The following MYO7B variants were observed in gnomAD, a reference collection of about 807,000 sequenced individuals.
The protein encoded by MYO7B is unconventional myosin-VIIb.
MYO7B carries 212 observed loss-of-function variants against 259.7 expected under a neutral mutation model. The observed-to-expected ratio is 0.82, with a 90% CI of 0.73 to 0.91. The LOEUF is 0.91. Among genes scored for constraint, MYO7B ranks in the 40% least tolerant of loss-of-function variants. The pLI, the probability that MYO7B is intolerant of heterozygous loss-of-function variation, is 0.00. For synonymous variants in MYO7B, 1,197 were observed against 1,166.4 expected (o/e 1.03, Z -0.54); for missense variants, 2,732 against 2,813.5 (o/e 0.97, Z 0.66).
intron 47 of MYO7B, 52 bp from the exon 48 acceptor site, chr2:127,637,264 C>A: frequency 7.2e-7 from 1 of 1,384,352 alleles, no homozygotes; most frequent in Non-Finnish European, 1.0e-6. Flanking sequence ...AGTCCAGGAC[C>A]CCCACCTGCC....
intron 18 of MYO7B, among the ~76,000 whole-genome samples, 200 bp downstream of exon 18, chr2:127,593,844 A>C (rs965795924): frequency 1.3e-5 from 2 of 152,186 alleles, no homozygotes; most frequent in African/African-American, 4.8e-5. Flanking sequence ...TGGTGAGGGT[A>C]CTGGGGAGGG....
rs1444391917 is a variant in MYO7B at position 127,627,503 on chromosome 2, T to C, written c.4460+193T>C. ...CTCCTGCACCAGGCCGTACTGCCCA[T>C]GAAGTACTCCATTGGGGCATCACGC... On this transcript the variant is annotated intron_variant, in intron 33 of 47. Transcript: ENST00000409816. The surrounding 1 kb of genome is among the most constrained non-coding windows in gnomAD (Gnocchi z 5.6). The C allele has an allele frequency of 1.3e-6, 1 of 791,990 alleles. No individual in the cohort carries two copies. The highest frequency in any genetic ancestry group is 2.0e-5 in the Admixed American group (1 of 49,464). 49.1% of individuals were successfully genotyped at this position (791,990 alleles called of 1,614,324 possible).
intron 7 of MYO7B, among the ~76,000 whole-genome samples, chr2:127,575,102 G>T (rs1037143529): frequency 6.6e-6 from 1 of 152,182 alleles, no homozygotes; most frequent in Admixed American, 6.5e-5. Context: ...AGATGCCTCC[G>T]CACTGTGACA....
At position 127,566,677 on chromosome 2, in the gene MYO7B, C is replaced by T. The variant is rs959558367; in HGVS notation, c.320C>T (p.Pro107Leu). 7 of 1,602,594 alleles carry T rather than the reference C, an allele frequency of 4.4e-6. No individual in the cohort carries two copies. Among genetic ancestry groups the T allele is most frequent in the African/African-American group, 2.7e-5 (2 of 74,732 alleles). The change falls in exon 5 of 48, where the codon CCG (proline) becomes CTG (leucine). Residue 107 changes from proline to leucine, a missense_variant. Pro to Leu is a moderately conservative substitution (Grantham distance 98). Coordinates refer to ENST00000409816, the MANE Select transcript of MYO7B (RefSeq NM_001393586.1). ...GGCTCCATCCTGGTGGCCGTCAACC[C>T]GTTCCAGGTGCTGCCGCTCTACACC... ...YTGSILVAVN[P>L]FQVLPLYTLE...
At position 127,584,552 on chromosome 2, in the gene MYO7B, C is replaced by A. The variant is rs930749779; in HGVS notation, c.1554+220C>A. 2.0e-5 allele frequency among the ~76,000 whole-genome samples: 3 copies of A among 152,176 alleles called. No individual in the cohort carries two copies. The highest frequency in any genetic ancestry group is 2.9e-5 in the Non-Finnish European group (2 of 68,036). On this transcript the variant is annotated intron_variant, in intron 13 of 47. Transcript: ENST00000409816. The surrounding 1 kb of genome is among the most constrained non-coding windows in gnomAD (Gnocchi z 5.8). Reference sequence around the variant, plus strand: ...TCAGACAGTAGTTCAGAGGGTGGAGCAGAAGAGCTGGTGGTGGAGGGCGGC... The same window carrying A: ...TCAGACAGTAGTTCAGAGGGTGGAGAAGAAGAGCTGGTGGTGGAGGGCGGC...
chr2:127,542,976 T>TTC (rs1693064529), intron 1 of MYO7B, among the ~76,000 whole-genome samples: 1 of 152,252 alleles, frequency 6.6e-6, no homozygotes, highest in African/African-American at 2.4e-5. Flanking sequence ...TAAGGCGGTT[T>TTC]TCTCCTATCT....
chr2:127,583,956 AGT>A (rs35131095), intron 12 of MYO7B, among the ~76,000 whole-genome samples, 164 bp from the exon 13 acceptor site: 54,014 of 151,816 alleles, frequency 0.36, 11,360 homozygotes, highest in East Asian at 0.67. Context: ...GAGGAGAGAG[AGT>A]GTGCAGGAAT....
rs1692907329 is a variant in MYO7B at position 127,539,122 on chromosome 2, T to C, written c.-24+3291T>C. Among the ~76,000 whole-genome samples the C allele has an allele frequency of 6.6e-6, 1 of 152,152 alleles. No homozygotes were observed. Among genetic ancestry groups the C allele is most frequent in the African/African-American group, 2.4e-5 (1 of 41,430 alleles). Reference sequence around the variant, plus strand: ...GGGCAGTGGTTCATGCACAAGTATATGTATCTGTCAATTTCTCTTTCATCC... The same window carrying C: ...GGGCAGTGGTTCATGCACAAGTATACGTATCTGTCAATTTCTCTTTCATCC... On this transcript the variant is annotated intron_variant, in intron 1 of 47. Coordinates refer to ENST00000409816, the MANE Select transcript of MYO7B (RefSeq NM_001393586.1). This position sits in a 1 kb window ranked among gnomAD's most constrained non-coding sequence, Gnocchi z 4.0.
chr2:127,601,302 C>T (rs553296306), intron 19 of MYO7B, among the ~76,000 whole-genome samples: 8 of 152,150 alleles, frequency 5.3e-5, no homozygotes, highest in Admixed American at 6.5e-5. Context: ...GCTGTTAATT[C>T]GGAGGTGTGC....
Position 127,623,312 on chromosome 2 carries a change from C to T in MYO7B, c.3756C>T (p.Ile1252=), listed in dbSNP as rs765986343. 1.6e-5 allele frequency: 26 copies of T among 1,612,504 alleles called. No individual in the cohort carries two copies. The highest frequency in any genetic ancestry group is 1.2e-4 in the Admixed American group (7 of 59,896). ...CATCTCGGGAAATGTGCATGCACAT[C>T]GCTCACAAGCAGGGCCTCAGCGACC... ...ASTSREMCMH[I]AHKQGLSDHL... Residue 1252 remains isoleucine, a synonymous_variant, in exon 29 of 48, where the codon ATC becomes ATT. Transcript: ENST00000409816.
At chr2:127,625,241 C>T in intron 30 of MYO7B, 127 bp from the exon 31 acceptor site, 2 of 1,151,780 alleles carry the variant, frequency 1.7e-6, no homozygotes, top group Non-Finnish European at 2.4e-6. Context: ...GGGGAAGGTC[C>T]TGCCCGAGCC....
rs768239354 is a variant in MYO7B at position 127,609,483 on chromosome 2, G to GT, written c.2815-22dup. On this transcript the variant is annotated intron_variant, in intron 22 of 47. Coordinates refer to ENST00000409816, the MANE Select transcript of MYO7B (RefSeq NM_001393586.1). This position sits in a 1 kb window ranked among gnomAD's most constrained non-coding sequence, Gnocchi z 6.9. ...TGTTACCTGAAAGCCCTGCTGACCC[G>GT]TGTTCTCCCTCAATGGCCGTAGGAT... The GT allele has an allele frequency of 1.3e-5, 20 of 1,596,372 alleles. No homozygotes were observed. The South Asian group carries it at 2.0e-4, about 16-fold the overall frequency.
At chr2:127,550,087 A>T (rs1362546928) in intron 1 of MYO7B, among the ~76,000 whole-genome samples, 1 of 152,184 alleles carries the variant, frequency 6.6e-6, no homozygotes, top group Non-Finnish European at 1.5e-5. Context: ...CACTCAGAAC[A>T]TCCCAGAAAA....
intron 26 of MYO7B, among the ~76,000 whole-genome samples, chr2:127,616,583 C>CCA (rs1229835573): frequency 1.3e-5 from 2 of 152,194 alleles, no homozygotes; most frequent in Non-Finnish European, 2.9e-5. Flanking sequence ...AAAATTAATC[C>CCA]CACATATCCT....
intron 30 of MYO7B, among the ~76,000 whole-genome samples, chr2:127,624,779 TG>T (rs1681023670): frequency 6.6e-6 from 1 of 152,084 alleles, no homozygotes; most frequent in Non-Finnish European, 1.5e-5. Context: ...GGAGCTCTTT[TG>T]TAGGGGATTG....
chr2:127,624,223 C>T lies in MYO7B; in HGVS notation c.3950C>T (p.Thr1317Ile), dbSNP rs375673107. Residue 1317 changes from threonine to isoleucine, a missense_variant, in exon 30 of 48, where the codon ACC becomes ATC. Transcript: ENST00000409816. ...ATCTACTTCCGGAAGGAATTCTTCA[C>T]CCCCTGGCACGACTCCCGGGAGGAC... ...WRIYFRKEFFTPWHDSREDPV... is the reference protein window; with the variant it reads ...WRIYFRKEFFIPWHDSREDPV... The T allele has an allele frequency of 1.1e-5, 17 of 1,597,434 alleles. No homozygotes were observed. The African/African-American group carries it at 1.3e-4, about 13-fold the overall frequency.
chr2:127,627,940 A>G lies in MYO7B; in HGVS notation c.4461-432A>G, dbSNP rs1257252668. On this transcript the variant is annotated intron_variant, in intron 33 of 47. Coordinates refer to ENST00000409816, the MANE Select transcript of MYO7B (RefSeq NM_001393586.1). This position sits in a 1 kb window ranked among gnomAD's most constrained non-coding sequence, Gnocchi z 5.6. ...TGGCCACCTCTCACTGAGGCTGACC[A>G]TGCTGGGCACTTTCCTGTATGCCAC... 4.3e-6 allele frequency: 2 copies of G among 461,160 alleles called. No homozygotes were observed. Among genetic ancestry groups the G allele is most frequent in the Admixed American group, 2.3e-5 (1 of 42,698 alleles). 28.6% of individuals were successfully genotyped at this position (461,160 alleles called of 1,614,324 possible).
chr2:127,617,703 C>T (rs1222148004), intron 26 of MYO7B, among the ~76,000 whole-genome samples: 2 of 150,576 alleles, frequency 1.3e-5, no homozygotes, highest in South Asian at 2.1e-4. Context: ...GGGGTTTCAC[C>T]TTGTTAGCCA....
chr2:127,584,390 G>A lies in MYO7B; in HGVS notation c.1554+58G>A, dbSNP rs575145209. Reference sequence around the variant, plus strand: ...AGGCCCTGCTATGGGTCTCCTCTTGGAGGCTGGGAAACTCCATTTGGGTGG... The same window carrying A: ...AGGCCCTGCTATGGGTCTCCTCTTGAAGGCTGGGAAACTCCATTTGGGTGG... On this transcript the variant is annotated intron_variant, in intron 13 of 47. Coordinates refer to ENST00000409816, the MANE Select transcript of MYO7B (RefSeq NM_001393586.1). This position sits in a 1 kb window ranked among gnomAD's most constrained non-coding sequence, Gnocchi z 5.8. The A allele has an allele frequency of 1.9e-6, 3 of 1,569,018 alleles. No homozygotes were observed. The South Asian group carries it at 3.4e-5, about 18-fold the overall frequency.
Sources: gnomAD v4.1 joint callset for allele counts (sites outside exome capture counted in the v4.1 genomes callset) on GRCh38, gnomAD v4.1.1 for gene constraint, Gnocchi (gnomAD v3.1) non-coding constraint, MANE v1.5 for transcripts, NCBI Gene and HGNC (gene_info 2026-07-23, HGNC 2026-07-21) for gene names.